SETBP1: variants seen among roughly 807,000 people sequenced by gnomAD.
SETBP1 encodes SET-binding protein.
SETBP1 carries 9 observed loss-of-function variants against 101.0 expected under a neutral mutation model. The observed-to-expected ratio is 0.09, with a 90% CI of 0.05 to 0.16. The LOEUF (loss-of-function observed/expected upper bound fraction) is 0.16, where lower values mean the gene tolerates loss of function less well. Among genes scored for constraint, SETBP1 ranks in the 10% least tolerant of loss-of-function variants. The probability of loss-of-function intolerance (pLI) is 1.00; values close to 1 mark genes in which losing one functional copy is unlikely to be tolerated. For synonymous variants in SETBP1, 818 were observed against 788.5 expected (o/e 1.04, Z -0.63); for missense variants, 1,858 against 2,033.8 (o/e 0.91, Z 1.66).
At chr18:44,700,232 T>C (rs1040169471) in intron 1 of SETBP1, among the ~76,000 whole-genome samples, 1 of 152,066 alleles carries the variant, frequency 6.6e-6, no homozygotes, top group Admixed American at 6.5e-5. Context: ...CCTGTGACAG[T>C]TTGGAGAGAG....
At chr18:44,727,861 A>G (rs1568112408) in intron 2 of SETBP1, among the ~76,000 whole-genome samples, 1 of 152,162 alleles carries the variant, frequency 6.6e-6, no homozygotes, top group Non-Finnish European at 1.5e-5. Flanking sequence ...TCTTGGTCTT[A>G]TCTAACCCTC....
At chr18:45,008,956 G>T (rs2072782880) in intron 4 of SETBP1, among the ~76,000 whole-genome samples, 1 of 152,204 alleles carries the variant, frequency 6.6e-6, no homozygotes, top group South Asian at 2.1e-4. Context: ...TGGCTGTGGA[G>T]CAGGACATGG....
chr18:44,707,332 T>G (rs887384215), intron 2 of SETBP1, among the ~76,000 whole-genome samples: 2 of 152,202 alleles, frequency 1.3e-5, no homozygotes, highest in African/African-American at 4.8e-5. Context: ...TTTGAGAGAG[T>G]GTTCAAAGCT....
intron 4 of SETBP1, among the ~76,000 whole-genome samples, chr18:45,016,754 CACA>C (rs1326685551): frequency 6.6e-6 from 1 of 151,650 alleles, no homozygotes; most frequent in Non-Finnish European, 1.5e-5. Flanking sequence ...CACACACACA[CACA>C]CACACACACA....
At chr18:44,905,815 G>A (rs1355777491) in intron 3 of SETBP1, among the ~76,000 whole-genome samples, 2 of 152,186 alleles carry the variant, frequency 1.3e-5, no homozygotes, top group Admixed American at 6.6e-5. Flanking sequence ...TTAATTGACT[G>A]GGAGAACTGT....
chr18:44,850,738 T>C (rs1392298429), intron 2 of SETBP1, among the ~76,000 whole-genome samples: 1 of 152,174 alleles, frequency 6.6e-6, no homozygotes, highest in Admixed American at 6.5e-5. Flanking sequence ...AAAACCTTTG[T>C]ATAAAGAAGC....
intron 2 of SETBP1, among the ~76,000 whole-genome samples, chr18:44,778,812 G>A (rs978887254): frequency 2.6e-5 from 4 of 152,256 alleles, no homozygotes; most frequent in Admixed American, 2.6e-4. Flanking sequence ...GGCTGGGGCA[G>A]ACCAGGGATC....
At position 44,951,283 on chromosome 18, in the gene SETBP1, T is replaced by G. The variant is rs1474983572; in HGVS notation, c.1943T>G (p.Phe648Cys). The stretch of plus-strand genomic sequence containing the variant: ...GACAAACCCATGAGCGAGATGAAAT[T>G]TCACAAGAAAGTTGGAAAGCTCGGC... ...GEDKPMSEMKFHKKVGKLGVL... is the reference protein window; with the variant it reads ...GEDKPMSEMKCHKKVGKLGVL... Residue 648 changes from phenylalanine to cysteine, a missense_variant, in exon 4 of 6, where the codon TTT becomes TGT. By Grantham distance (205) the Phe-to-Cys change is radical. This residue lies in a region of SETBP1 where 111 missense variants were observed against 119.3 expected (regional missense o/e 0.93). Transcript: ENST00000649279. The surrounding 1 kb of genome is among the most constrained non-coding windows in gnomAD (Gnocchi z 7.8). 1.2e-6 allele frequency: 2 copies of G among 1,613,468 alleles called. No homozygotes were observed. The highest frequency in any genetic ancestry group is 1.7e-6 in the Non-Finnish European group (2 of 1,180,020).
intron 3 of SETBP1, among the ~76,000 whole-genome samples, chr18:44,892,794 T>A (rs2069803149): frequency 6.6e-6 from 1 of 152,104 alleles, no homozygotes; most frequent in African/African-American, 2.4e-5. Flanking sequence ...AGAACTCCCT[T>A]AAATCTTCAC....
chr18:45,032,674 C>T (rs1599473378), intron 4 of SETBP1, among the ~76,000 whole-genome samples: 1 of 152,210 alleles, frequency 6.6e-6, no homozygotes, highest in South Asian at 2.1e-4. Flanking sequence ...TGTTCCTCTC[C>T]CCAAGCTATG....
chr18:45,013,443 T>C (rs901202130), intron 4 of SETBP1, among the ~76,000 whole-genome samples: 4 of 152,152 alleles, frequency 2.6e-5, no homozygotes, highest in East Asian at 3.9e-4. Flanking sequence ...TCTTTTTTTT[T>C]GTTTTTTGTT....
rs186927293 is a variant in SETBP1 at position 45,057,375 on chromosome 18, G to A, written c.4172-5704G>A. On this transcript the variant is annotated intron_variant, in intron 5 of 5. Transcript: ENST00000649279. Reference sequence around the variant, plus strand: ...CAAGGCAAGCAGAAGTACAAAGTAAGATAAATAAATAAAATGCAGGATTTA... The same window carrying A: ...CAAGGCAAGCAGAAGTACAAAGTAAAATAAATAAATAAAATGCAGGATTTA... Among the ~76,000 whole-genome samples, 914 of 152,048 alleles carry A rather than the reference G, an allele frequency of 6.0e-3. 10 individuals are homozygous for A. The highest frequency in any genetic ancestry group is 0.02 in the African/African-American group (840 of 41,484).
intron 3 of SETBP1, among the ~76,000 whole-genome samples, chr18:44,924,504 T>C (rs531887354): frequency 2.2e-4 from 34 of 152,182 alleles, no homozygotes; most frequent in Non-Finnish European, 2.1e-4. Flanking sequence ...CCCTTTATCA[T>C]ATTAGCCACT....
At chr18:44,765,715 C>A (rs1365971864) in intron 2 of SETBP1, among the ~76,000 whole-genome samples, 2 of 152,210 alleles carry the variant, frequency 1.3e-5, no homozygotes, top group Admixed American at 6.5e-5. Context: ...ACTCCGGTTA[C>A]ACTCTACTAT....
At chr18:45,062,800 A>C (rs969204920) in intron 5 of SETBP1, among the ~76,000 whole-genome samples, 5 of 152,222 alleles carry the variant, frequency 3.3e-5, no homozygotes, top group African/African-American at 1.2e-4. Context: ...CTCAGTTTCC[A>C]CATCTTTACA....
chr18:44,789,473 T>C (rs931917212), intron 2 of SETBP1, among the ~76,000 whole-genome samples: 1 of 152,196 alleles, frequency 6.6e-6, no homozygotes, highest in African/African-American at 2.4e-5. Flanking sequence ...TTGAAGAATA[T>C]AGAAAAAAAT....
chr18:45,015,817 A>G (rs1003550047), intron 4 of SETBP1, among the ~76,000 whole-genome samples: 2 of 152,250 alleles, frequency 1.3e-5, no homozygotes, highest in Non-Finnish European at 2.9e-5. Flanking sequence ...ACATATGCCC[A>G]TAAATCATTT....
At chr18:44,945,910 T>A (rs2071195019) in intron 3 of SETBP1, among the ~76,000 whole-genome samples, 1 of 152,240 alleles carries the variant, frequency 6.6e-6, no homozygotes, top group South Asian at 2.1e-4. Flanking sequence ...TGATGTGTGC[T>A]TCGCCTGTCT....
At chr18:44,849,158 G>A (rs111352405) in intron 2 of SETBP1, among the ~76,000 whole-genome samples, 2 of 152,258 alleles carry the variant, frequency 1.3e-5, no homozygotes, top group African/African-American at 4.8e-5. Context: ...GAGGAAATTG[G>A]CACAGAGCCC....
Sources: gnomAD v4.1 joint callset for allele counts (sites outside exome capture counted in the v4.1 genomes callset) on GRCh38, gnomAD v4.1.1 for gene constraint, gnomAD v4.1.1 regional missense constraint, Gnocchi (gnomAD v3.1) non-coding constraint, MANE v1.5 for transcripts, NCBI Gene and HGNC (gene_info 2026-07-23, HGNC 2026-07-21) for gene names.